Variants in PRKX observed in about 807,000 individuals in gnomAD.
PRKX encodes the protein protein kinase cAMP-dependent X-linked catalytic subunit, also known as cAMP-dependent protein kinase catalytic subunit PRKX.
In PRKX, 12 loss-of-function variants were observed where a neutral mutation model predicts 22.0. The ratio of observed to expected loss-of-function variants is 0.54; its 90% confidence interval spans 0.35 to 0.88. The LOEUF (loss-of-function observed/expected upper bound fraction) is 0.88, where lower values mean the gene tolerates loss of function less well. PRKX is among the 40% of genes least tolerant of loss of function. The pLI is 0.01. For missense variants in PRKX, 217 were observed against 308.0 expected, an observed-to-expected ratio of 0.70 and a Z score of 2.21; for synonymous variants, 134 against 137.7, an observed-to-expected ratio of 0.97 and a Z score of 0.19.
chrX:3,681,124 G>C (rs1928063228), intron 1 of PRKX, among the ~76,000 whole-genome samples: 1 of 111,887 alleles, frequency 8.9e-6, no homozygotes, highest in Non-Finnish European at 1.9e-5. Flanking sequence ...GTGCACACCT[G>C]TAATCCCAGC....
At chrX:3,645,266 G>A (rs745824256) in intron 3 of PRKX, among the ~76,000 whole-genome samples, 3 of 110,903 alleles carry the variant, frequency 2.7e-5, no homozygotes, top group South Asian at 3.9e-4. Context: ...CACTATGGCC[G>A]GGGGGAGGGG....
intron 1 of PRKX, among the ~76,000 whole-genome samples, chrX:3,676,260 A>C (rs188258791): frequency 4.5e-5 from 5 of 112,256 alleles, no homozygotes; most frequent in African/African-American, 1.6e-4. Flanking sequence ...ACTGACATTC[A>C]GAGAAAGGAT....
At chrX:3,695,612 A>G (rs1270065335) in intron 1 of PRKX, among the ~76,000 whole-genome samples, 1 of 110,999 alleles carries the variant, frequency 9.0e-6, no homozygotes, top group Non-Finnish European at 1.9e-5. Context: ...GGGTCTCCCT[A>G]TGTTGCCCAG....
At chrX:3,678,421 T>C (rs1236438756) in intron 1 of PRKX, among the ~76,000 whole-genome samples, 1 of 112,095 alleles carries the variant, frequency 8.9e-6, no homozygotes, top group Admixed American at 9.5e-5. Flanking sequence ...TTAGTACTTG[T>C]ATTTGACCCT....
chrX:3,661,933 T>C (rs1276112253), intron 2 of PRKX, among the ~76,000 whole-genome samples: 2 of 112,079 alleles, frequency 1.8e-5, no homozygotes, highest in Admixed American at 1.9e-4. Flanking sequence ...ATGTTCAAGA[T>C]CTAACACTTA....
At chrX:3,699,039 TTTTA>T (rs1157965609) in intron 1 of PRKX, among the ~76,000 whole-genome samples, 6 of 101,723 alleles carry the variant, frequency 5.9e-5, no homozygotes, top group Admixed American at 3.2e-4. Flanking sequence ...CTAATTTTTA[TTTTA>T]TTTTTTTTTT....
At chrX:3,701,404 C>T (rs1163723616) in intron 1 of PRKX, among the ~76,000 whole-genome samples, 1 of 112,603 alleles carries the variant, frequency 8.9e-6, no homozygotes, top group African/African-American at 3.2e-5. Flanking sequence ...CTGTGTGTCG[C>T]CTACTTTTTC....
chrX:3,655,962 G>T (rs1325937402), intron 2 of PRKX, among the ~76,000 whole-genome samples: 2 of 110,181 alleles, frequency 1.8e-5, no homozygotes. Flanking sequence ...ATGTAGACAG[G>T]TGTTAGTATA....
intron 2 of PRKX, among the ~76,000 whole-genome samples, chrX:3,659,156 TG>T (rs1927538177): frequency 9.3e-6 from 1 of 107,804 alleles, no homozygotes; most frequent in South Asian, 4.1e-4. Context: ...GAGGCTGAGG[TG>T]GGAAGATCAT....
At chrX:3,692,760 C>T (rs938439909) in intron 1 of PRKX, among the ~76,000 whole-genome samples, 1 of 111,028 alleles carries the variant, frequency 9.0e-6, no homozygotes, top group African/African-American at 3.3e-5. Flanking sequence ...ATCTCCTGAC[C>T]TCGTGGTCCA....
intron 5 of PRKX, among the ~76,000 whole-genome samples, chrX:3,622,681 C>T (rs774061292): frequency 2.7e-5 from 3 of 111,925 alleles, no homozygotes; most frequent in Non-Finnish European, 5.6e-5. Flanking sequence ...AACTCAGAGA[C>T]CATCTGTCCG....
At chrX:3,612,358 T>C in intron 7 of PRKX, 33 bp from the exon 8 acceptor site, 2 of 1,194,285 alleles carry the variant, frequency 1.7e-6, no homozygotes, top group Non-Finnish European at 2.3e-6. Flanking sequence ...AAAGGCATGG[T>C]TAGAAAGGGA....
At chrX:3,620,269 C>T (rs1926526823) in intron 6 of PRKX, among the ~76,000 whole-genome samples, 1 of 112,401 alleles carries the variant, frequency 8.9e-6, no homozygotes, top group East Asian at 2.8e-4. Context: ...AGGAAGGAAG[C>T]TCTGACACGG....
rs780899033 is a variant in PRKX, at chrX:3,663,630, TAAAAAAAAAAA to T, written c.336-8229_336-8219del. On this transcript the variant is annotated intron_variant, in intron 2 of 8. Transcript: ENST00000262848. ...GATGAGACGGCAAGACCACATCTCT[TAAAAAAAAAAA>T]AAAAAAAAAAAGTTAAAAGGGCAGG... Among the ~76,000 whole-genome samples, 57 of 66,211 alleles carry T rather than the reference TAAAAAAAAAAA, an allele frequency of 8.6e-4. No homozygotes were observed. In the East Asian group the frequency reaches 0.02, roughly 23 times the overall value. 57.5% of individuals were successfully genotyped at this position (66,211 alleles called of 115,157 possible). A position where few individuals can be genotyped will look rare whatever the true frequency, so the allele number is the denominator to read the frequency against.
intron 1 of PRKX, among the ~76,000 whole-genome samples, chrX:3,677,733 CTGGGAAGGGAGGAGGAGAAGTAACCTT>C (rs934234060): frequency 9.0e-6 from 1 of 111,257 alleles, no homozygotes; most frequent in African/African-American, 3.3e-5. Context: ...ATAGGGCAGA[CTGGGAAGGGAGGAGGAGAAGTAACCTT>C]TGCTTTTTAA....
intron 1 of PRKX, among the ~76,000 whole-genome samples, chrX:3,685,092 C>T (rs1309445937): frequency 9.0e-6 from 1 of 111,729 alleles, no homozygotes; most frequent in South Asian, 3.8e-4. Context: ...GCTGGGATTA[C>T]ACGCATGAGC....
At position 3,713,341 on chromosome X, in the gene PRKX, G is replaced by T; in HGVS notation, c.-88C>A. ...GGGACGCAGCCTCGGAGGGCGGCGC[G>T]GCGGCGGCATCAACAGAGGCTCCCC... On this transcript the variant is annotated 5_prime_UTR_variant, in exon 1 of 9. Coordinates refer to ENST00000262848, the MANE Select transcript of PRKX (RefSeq NM_005044.5). 4 of 825,344 alleles carry T rather than the reference G, an allele frequency of 4.8e-6. No homozygotes were observed. The highest frequency in any genetic ancestry group is 6.1e-6 in the Non-Finnish European group (4 of 651,453). The allele number at this position is 825,344 out of a possible 1,213,427, so 68.0% of individuals were successfully genotyped here. A position where few individuals can be genotyped will look rare whatever the true frequency, so the allele number is the denominator to read the frequency against.
intron 1 of PRKX, among the ~76,000 whole-genome samples, chrX:3,703,695 G>T (rs1928626693): frequency 1.1e-5 from 1 of 89,421 alleles, no homozygotes; most frequent in Non-Finnish European, 2.1e-5. Flanking sequence ...TTTTGAGATG[G>T]AGTCTCACTC....
At chrX:3,709,519 C>A (rs1036169995) in intron 1 of PRKX, among the ~76,000 whole-genome samples, 2 of 111,534 alleles carry the variant, frequency 1.8e-5, no homozygotes, top group African/African-American at 6.5e-5. Flanking sequence ...CAAGGCCTGG[C>A]CACTGGTTTA....
Sources: allele counts gnomAD v4.1 joint callset (sites outside exome capture counted in the v4.1 genomes callset), GRCh38; gene constraint gnomAD v4.1.1; transcripts MANE v1.5; gene names NCBI Gene and HGNC (gene_info 2026-07-23, HGNC 2026-07-21).